CADPS2: variants seen among roughly 807,000 people sequenced by gnomAD.
The protein encoded by CADPS2 is calcium dependent secretion activator 2, also known as calcium-dependent secretion activator 2.
CADPS2 carries 93 observed loss-of-function variants against 172.5 expected under a neutral mutation model. The observed-to-expected ratio is 0.54, with a 90% confidence interval of 0.46 to 0.64. The LOEUF is 0.64. CADPS2 is among the 30% of genes least tolerant of loss of function. CADPS2 has a pLI of 0.00. For missense variants in CADPS2, 1,420 were observed against 1,565.9 expected, an observed-to-expected ratio of 0.91 and a Z score of 1.57; for synonymous variants, 546 against 555.2, an observed-to-expected ratio of 0.98 and a Z score of 0.23.
intron 7 of CADPS2, among the ~76,000 whole-genome samples, chr7:122,569,830 T>G (rs1387626129): frequency 7.6e-5 from 11 of 144,694 alleles, no homozygotes; most frequent in South Asian, 2.2e-4. Flanking sequence ...GCTAGCCATA[T>G]GGAGAAAGCT....
chr7:122,593,659 GAC>G (rs1217890291), intron 6 of CADPS2, among the ~76,000 whole-genome samples: 4 of 151,874 alleles, frequency 2.6e-5, no homozygotes, highest in Non-Finnish European at 5.9e-5. Flanking sequence ...TGAAAAAATT[GAC>G]AGTTTTGAAT....
chr7:122,615,198 G>C lies in CADPS2; in HGVS notation c.1206C>G (p.Ala402=), dbSNP rs552407648. 7.8e-6 allele frequency: 12 copies of C among 1,541,886 alleles called. No individual in the cohort carries two copies. The Admixed American group carries it at 7.8e-5, about 10-fold the overall frequency. ...VEGEKLQTDQ[A]EASRPQWGTQ... is the part of the protein sequence containing the mutation. Reference sequence around the variant, plus strand: ...TGGCTTACTGTGGCCTTGAGGCTTCGGCCTGGTCTGTCTGAAGTTTTTCTC... The same window carrying C: ...TGGCTTACTGTGGCCTTGAGGCTTCCGCCTGGTCTGTCTGAAGTTTTTCTC... Residue 402 remains alanine, a synonymous_variant, in exon 6 of 30, where the codon GCC becomes GCG. Coordinates refer to ENST00000449022, the MANE Select transcript of CADPS2 (RefSeq NM_017954.11).
chr7:122,477,262 C>T (rs2056803558), intron 12 of CADPS2, among the ~76,000 whole-genome samples: 1 of 152,090 alleles, frequency 6.6e-6, no homozygotes, highest in South Asian at 2.1e-4. Context: ...CCTGTAATCC[C>T]AGCACTTTGG....
chr7:122,817,164 C>T (rs575218552), intron 1 of CADPS2, among the ~76,000 whole-genome samples: 19 of 152,286 alleles, frequency 1.2e-4, no homozygotes, highest in Admixed American at 5.2e-4. Context: ...TCTCTTCAAA[C>T]GGACGCACAT....
chr7:122,473,909 A>C (rs2056297280), intron 13 of CADPS2, among the ~76,000 whole-genome samples: 2 of 152,156 alleles, frequency 1.3e-5, no homozygotes, highest in Non-Finnish European at 2.9e-5. Flanking sequence ...TGTTATGTAT[A>C]GCTCCTGTCA....
At chr7:122,797,954 A>G (rs1447967191) in intron 1 of CADPS2, among the ~76,000 whole-genome samples, 1 of 152,044 alleles carries the variant, frequency 6.6e-6, no homozygotes, top group Non-Finnish European at 1.5e-5. Flanking sequence ...CATTATTTTG[A>G]GTTATACATG....
chr7:122,624,650 T>C (rs1426307097), intron 4 of CADPS2, among the ~76,000 whole-genome samples: 1 of 152,194 alleles, frequency 6.6e-6, no homozygotes, highest in Non-Finnish European at 1.5e-5. Flanking sequence ...ATATTGGTAT[T>C]CTCTCTTCCT....
intron 3 of CADPS2, 37 bp from the exon 4 acceptor site, chr7:122,629,365 C>T: frequency 1.3e-6 from 2 of 1,532,556 alleles, no homozygotes; most frequent in Non-Finnish European, 8.9e-7. Flanking sequence ...TATGTAATTA[C>T]TTAATCTATA....
At chr7:122,553,267 T>C (rs940323821) in intron 8 of CADPS2, among the ~76,000 whole-genome samples, 3 of 152,158 alleles carry the variant, frequency 2.0e-5, no homozygotes, top group East Asian at 3.9e-4. Context: ...TTAAAGTTTG[T>C]CCTAGTTGGA....
chr7:122,624,159 C>T (rs562399587), intron 4 of CADPS2, among the ~76,000 whole-genome samples: 2 of 152,270 alleles, frequency 1.3e-5, no homozygotes, highest in South Asian at 4.1e-4. Context: ...TTGTCCCTCA[C>T]TGGCAAACAA....
At chr7:122,680,925 T>C (rs568071549) in intron 2 of CADPS2, among the ~76,000 whole-genome samples, 13 of 151,618 alleles carry the variant, frequency 8.6e-5, no homozygotes, top group South Asian at 6.3e-4. Flanking sequence ...GTGGCACATA[T>C]ACACCATGGA....
intron 1 of CADPS2, among the ~76,000 whole-genome samples, chr7:122,804,573 G>C (rs1798380233): frequency 6.6e-6 from 1 of 152,154 alleles, no homozygotes; most frequent in Non-Finnish European, 1.5e-5. Flanking sequence ...GGTAGAACTA[G>C]AGTGTGTAGT....
chr7:122,854,238 C>T (rs1264731798), intron 1 of CADPS2, among the ~76,000 whole-genome samples: 1 of 151,958 alleles, frequency 6.6e-6, no homozygotes, highest in Non-Finnish European at 1.5e-5. Context: ...GTGACTCGTG[C>T]CTGTAGTCCC....
In CADPS2 at chr7:122,645,833, A is replaced by C. The variant is rs1319112842; in HGVS notation, c.787-16505T>G. ...ATATATATATGTATATATATAAAAC[A>C]ACAGCAATAATGTGGCAAATTTTTG... On this transcript the variant is annotated intron_variant, in intron 3 of 29. Coordinates refer to ENST00000449022, the MANE Select transcript of CADPS2 (RefSeq NM_017954.11). Among the ~76,000 whole-genome samples, 3 of 149,852 alleles carry C rather than the reference A, an allele frequency of 2.0e-5. No individual in the cohort carries two copies. The Admixed American group carries it at 2.0e-4, about 10-fold the overall frequency.
intron 1 of CADPS2, among the ~76,000 whole-genome samples, chr7:122,784,903 C>T (rs1793655339): frequency 6.6e-6 from 1 of 152,080 alleles, no homozygotes. Context: ...ATTACCTTTC[C>T]TATTTCCTAT....
intron 9 of CADPS2, among the ~76,000 whole-genome samples, chr7:122,498,108 T>C (rs2058899171): frequency 6.6e-6 from 1 of 152,060 alleles, no homozygotes; most frequent in Non-Finnish European, 1.5e-5. Flanking sequence ...CCACCAGGCC[T>C]GGCTAATTTT....
At chr7:122,654,044 G>C (rs1208524974) in intron 3 of CADPS2, among the ~76,000 whole-genome samples, 1 of 152,180 alleles carries the variant, frequency 6.6e-6, no homozygotes, top group Non-Finnish European at 1.5e-5. Flanking sequence ...GCTTAGAAAG[G>C]CATGTCATAA....
intron 14 of CADPS2, among the ~76,000 whole-genome samples, chr7:122,465,601 C>T (rs573326709): frequency 6.6e-6 from 1 of 152,158 alleles, no homozygotes; most frequent in Non-Finnish European, 1.5e-5. Flanking sequence ...TAAGTAATGC[C>T]TGATGATCTG....
intron 27 of CADPS2, among the ~76,000 whole-genome samples, chr7:122,350,890 G>A (rs894470025): frequency 6.6e-6 from 1 of 152,046 alleles, no homozygotes; most frequent in Non-Finnish European, 1.5e-5. Context: ...GGAGTCTGAG[G>A]TGGGAGGCTG....
Sources: gnomAD v4.1 joint callset for allele counts (sites outside exome capture counted in the v4.1 genomes callset) on GRCh38, gnomAD v4.1.1 for gene constraint, MANE v1.5 for transcripts, NCBI Gene and HGNC (gene_info 2026-07-23, HGNC 2026-07-21) for gene names.